MEIG1: variants seen among roughly 807,000 people sequenced by gnomAD.
MEIG1 encodes meiosis/spermiogenesis associated 1, also known as meiosis expressed gene 1 protein homolog.
Under a neutral mutation model 11.3 loss-of-function variants are expected in MEIG1, and 12 were observed. The ratio of observed to expected loss-of-function variants is 1.07; its 90% CI spans 0.68 to 1.73. MEIG1 has a LOEUF of 1.73. MEIG1 is among the 40% of genes most tolerant of loss of function. The pLI, the probability that MEIG1 is intolerant of heterozygous loss-of-function variation, is 0.00. For synonymous variants in MEIG1, 41 were observed against 33.2 expected (o/e 1.24, Z -0.81); for missense variants, 119 against 104.9 (o/e 1.13, Z -0.59).
chr10:14,967,869 G>A (rs530670163), intron 2 of MEIG1, among the ~76,000 whole-genome samples: 34 of 152,040 alleles, frequency 2.2e-4, no homozygotes, highest in Non-Finnish European at 4.0e-4. Context: ...AGTCTGTGTG[G>A]TTTGCAACTT....
Position 14,959,543 on chromosome 10 carries a change from G to C in MEIG1, c.-44G>C, listed in dbSNP as rs1385547112. ...TCGGCGGAACGAGGATAACCCAGTA[G>C]AGCCGGACCCAGGGGTGGGTGGATG... On this transcript the variant is annotated 5_prime_UTR_variant, in exon 1 of 3. Coordinates refer to ENST00000407572, the MANE Select transcript of MEIG1 (RefSeq NM_001080836.3). The C allele has an allele frequency of 6.6e-6, 1 of 152,346 alleles. No individual in the cohort carries two copies. Among genetic ancestry groups the C allele is most frequent in the Non-Finnish European group, 1.5e-5 (1 of 68,136 alleles). The allele number at this position is 152,346 out of a possible 1,614,324, so 9.4% of individuals were successfully genotyped here. A position where few individuals can be genotyped will look rare whatever the true frequency, so the allele number is the denominator to read the frequency against.
chr10:14,981,908 C>T (rs540020296), intron 1 of MEIG1, among the ~76,000 whole-genome samples: 21 of 152,288 alleles, frequency 1.4e-4, no homozygotes, highest in African/African-American at 5.1e-4. Flanking sequence ...GGCGTTTCCC[C>T]GGGCCTGACC....
chr10:14,967,319 G>A (rs1843097360), intron 2 of MEIG1, among the ~76,000 whole-genome samples: 1 of 149,894 alleles, frequency 6.7e-6, no homozygotes, highest in Non-Finnish European at 1.5e-5. Context: ...TGTGGTTTTT[G>A]GGGCAATTAT....
chr10:14,983,141 A>C (rs1843282088), intron 1 of MEIG1, among the ~76,000 whole-genome samples: 1 of 152,110 alleles, frequency 6.6e-6, no homozygotes, highest in Admixed American at 6.5e-5. Context: ...ATTACGTTTA[A>C]TATCGCAGTA....
chr10:14,963,994 A>G (rs1278547813), intron 1 of MEIG1, among the ~76,000 whole-genome samples: 10 of 151,272 alleles, frequency 6.6e-5, no homozygotes, highest in Admixed American at 6.6e-4. Context: ...GCTACTCAGG[A>G]GGCTGAGGCA....
intron 1 of MEIG1, among the ~76,000 whole-genome samples, chr10:14,962,304 CA>C (rs796892289): frequency 1.3e-5 from 2 of 149,340 alleles, no homozygotes; most frequent in Non-Finnish European, 3.0e-5. Flanking sequence ...AAAGTAAGGG[CA>C]AAAAAAAAGA....
chr10:14,957,292 C>T (rs1842961309), upstream of MEIG1, among the ~76,000 whole-genome samples: 1 of 152,150 alleles, frequency 6.6e-6, no homozygotes, highest in African/African-American at 2.4e-5. Flanking sequence ...GTAAGTAGAG[C>T]TCAGATTTAA....
downstream of MEIG1, among the ~76,000 whole-genome samples, chr10:14,974,930 A>G (rs1161973463): frequency 6.6e-6 from 1 of 152,162 alleles, no homozygotes; most frequent in East Asian, 1.9e-4. Flanking sequence ...TAATACTAAT[A>G]GTACACCTAA....
At chr10:14,982,845 C>T (rs1808921724) in intron 1 of MEIG1, among the ~76,000 whole-genome samples, 1 of 151,872 alleles carries the variant, frequency 6.6e-6, no homozygotes, top group Non-Finnish European at 1.5e-5. Context: ...CTCACGATAA[C>T]AATAAATGAT....
At chr10:14,954,892 T>C (rs1313868848), upstream of MEIG1, among the ~76,000 whole-genome samples, 36 of 152,202 alleles carry the variant, frequency 2.4e-4, no homozygotes, top group Admixed American at 2.4e-3. Context: ...TCAAATCTCC[T>C]TAGTATAATT....
At chr10:14,968,157 A>G (rs944678213) in intron 2 of MEIG1, among the ~76,000 whole-genome samples, 1 of 151,858 alleles carries the variant, frequency 6.6e-6, no homozygotes, top group Admixed American at 6.6e-5. Context: ...TTTTTCTTTT[A>G]TTCTATTCTT....
At chr10:14,966,412 C>T in intron 1 of MEIG1, 28 bp from the exon 2 acceptor site, 1 of 1,473,200 alleles carries the variant, frequency 6.8e-7, no homozygotes, top group East Asian at 2.3e-5. Context: ...ATTACATTAT[C>T]CATTAATGTT....
upstream of MEIG1, among the ~76,000 whole-genome samples, chr10:14,958,387 A>G (rs553318681): frequency 1.1e-4 from 17 of 152,206 alleles, no homozygotes; most frequent in East Asian, 2.9e-3. Context: ...TTAATTTGTG[A>G]TATGTCTTGT....
downstream of MEIG1, among the ~76,000 whole-genome samples, chr10:14,974,334 A>G (rs1843188202): frequency 6.6e-6 from 1 of 152,194 alleles, no homozygotes; most frequent in Admixed American, 6.5e-5. Flanking sequence ...CAATCAGCCC[A>G]GGTGGGGTTG....
rs55964936 is a variant in MEIG1 at position 14,971,216 on chromosome 10, G to GATAATAATAATAATAATAATA, written c.139-1295_139-1275dup. Among the ~76,000 whole-genome samples the GATAATAATAATAATAATAATA allele has an allele frequency of 7.1e-3, 1,024 of 143,638 alleles. 2 individuals are homozygous for GATAATAATAATAATAATAATA. The highest frequency in any genetic ancestry group is 0.013 in the African/African-American group (503 of 38,898). The allele number at this position is 143,638 out of a possible 152,430, so 94.2% of individuals were successfully genotyped here. On this transcript the variant is annotated intron_variant, in intron 2 of 2. Transcript: ENST00000407572. ...AACCTCGGCAACATATAATAATAAT[G>GATAATAATAATAATAATAATA]ATAATAATAATAATAATAATAACAA...
intron 2 of MEIG1, among the ~76,000 whole-genome samples, chr10:14,968,313 C>A (rs1302272088): frequency 6.6e-6 from 1 of 151,922 alleles, no homozygotes; most frequent in African/African-American, 2.4e-5. Flanking sequence ...CATGGTGAAA[C>A]CCTGTCTCTA....
At chr10:14,982,801 AG>A (rs1189443424) in intron 1 of MEIG1, among the ~76,000 whole-genome samples, 1 of 152,158 alleles carries the variant, frequency 6.6e-6, no homozygotes, top group African/African-American at 2.4e-5. Flanking sequence ...AAATCAATAC[AG>A]ATAATAATGA....
At chr10:14,974,336 GT>G (rs1843188261), downstream of MEIG1, among the ~76,000 whole-genome samples, 1 of 152,190 alleles carries the variant, frequency 6.6e-6, no homozygotes, top group South Asian at 2.1e-4. Flanking sequence ...ATCAGCCCAG[GT>G]GGGGTTGTGG....
At chr10:14,963,369 A>G (rs902406663) in intron 1 of MEIG1, among the ~76,000 whole-genome samples, 3 of 152,230 alleles carry the variant, frequency 2.0e-5, no homozygotes, top group African/African-American at 7.2e-5. Flanking sequence ...TGCTGGGATT[A>G]CAGGCGTGAG....
Sources: gnomAD v4.1 joint callset for allele counts (sites outside exome capture counted in the v4.1 genomes callset) on GRCh38, gnomAD v4.1.1 for gene constraint, MANE v1.5 for transcripts, NCBI Gene and HGNC (gene_info 2026-07-23, HGNC 2026-07-21) for gene names.